The following PDE11A variants were observed in gnomAD, a reference collection of about 807,000 sequenced individuals.
PDE11A encodes the protein phosphodiesterase 11A, also known as dual 3',5'-cyclic-AMP and -GMP phosphodiesterase 11A.
In PDE11A, 100 loss-of-function variants were observed where a neutral mutation model predicts 100.5. The observed-to-expected ratio is 1.00, with a 90% CI of 0.85 to 1.18. The LOEUF (loss-of-function observed/expected upper bound fraction) is 1.18, where lower values mean the gene tolerates loss of function less well. Among genes scored for constraint, PDE11A ranks in the 50% most tolerant of loss-of-function variants. PDE11A has a pLI of 0.00. For missense variants in PDE11A, 1,141 were observed against 1,152.6 expected, an observed-to-expected ratio of 0.99 and a Z score of 0.15; for synonymous variants, 381 against 420.8, an observed-to-expected ratio of 0.91 and a Z score of 1.16.
intron 10 of PDE11A, among the ~76,000 whole-genome samples, chr2:177,730,579 G>A (rs1476734675): frequency 1.3e-5 from 2 of 149,404 alleles, no homozygotes; most frequent in African/African-American, 4.9e-5. Context: ...CTGCTTTCTA[G>A]GAAATTTCTT....
At chr2:177,858,614 G>A (rs893983046) in intron 5 of PDE11A, among the ~76,000 whole-genome samples, 49 of 152,206 alleles carry the variant, frequency 3.2e-4, no homozygotes, top group Non-Finnish European at 6.3e-4. Flanking sequence ...TGGAAAGGAT[G>A]TGGAGAAATA....
intron 4 of PDE11A, among the ~76,000 whole-genome samples, chr2:177,887,565 A>G (rs1449670876): frequency 6.6e-6 from 1 of 152,054 alleles, no homozygotes; most frequent in Admixed American, 6.6e-5. Context: ...GTGGTTTGAG[A>G]CCAGCTTGGG....
intron 1 of PDE11A, among the ~76,000 whole-genome samples, chr2:178,062,785 C>T (rs1381033216): frequency 6.6e-6 from 1 of 152,108 alleles, no homozygotes; most frequent in East Asian, 1.9e-4. Context: ...TAAAGTAGTA[C>T]ATGCAACATA....
intron 10 of PDE11A, among the ~76,000 whole-genome samples, chr2:177,754,190 C>T (rs1203960056): frequency 1.3e-5 from 2 of 152,126 alleles, no homozygotes; most frequent in Admixed American, 6.5e-5. Flanking sequence ...GGAAGAGCTA[C>T]GCAAATATAT....
chr2:178,024,988 T>C (rs2086461153), intron 1 of PDE11A, among the ~76,000 whole-genome samples: 1 of 152,240 alleles, frequency 6.6e-6, no homozygotes, highest in African/African-American at 2.4e-5. Context: ...GAGATTACAC[T>C]GCATAAAAAC....
intron 2 of PDE11A, among the ~76,000 whole-genome samples, chr2:178,103,153 T>C (rs1303917889): frequency 6.7e-6 from 1 of 149,404 alleles, no homozygotes; most frequent in Non-Finnish European, 1.5e-5. Context: ...TGTAATTTTG[T>C]TGTTGTTGTT....
chr2:177,820,521 C>A (rs1270348752), intron 6 of PDE11A, among the ~76,000 whole-genome samples: 1 of 151,850 alleles, frequency 6.6e-6, no homozygotes, highest in African/African-American at 2.4e-5. Flanking sequence ...CCAAATAAAT[C>A]CAAAACCAAC....
At chr2:177,751,613 T>G (rs1216377626) in intron 10 of PDE11A, among the ~76,000 whole-genome samples, 1 of 152,168 alleles carries the variant, frequency 6.6e-6, no homozygotes. Context: ...AGCTTTAAAT[T>G]TGTTCCTTGT....
intron 4 of PDE11A, among the ~76,000 whole-genome samples, chr2:177,886,352 G>C (rs1157750821): frequency 6.6e-6 from 1 of 152,162 alleles, no homozygotes; most frequent in Non-Finnish European, 1.5e-5. Context: ...TATTAATTTT[G>C]TCAGGAGAAA....
intron 19 of PDE11A, among the ~76,000 whole-genome samples, chr2:177,646,733 G>A (rs1261803529): frequency 2.6e-5 from 4 of 152,188 alleles, no homozygotes; most frequent in African/African-American, 9.7e-5. Flanking sequence ...CAGGAAAGTG[G>A]AGGTCTTGCT....
rs781342511 is a variant in PDE11A at position 177,711,883 on chromosome 2, G to C, written c.2044-5C>G. 157 of 1,535,492 alleles carry C rather than the reference G, an allele frequency of 1.0e-4. No individual in the cohort carries two copies. The highest frequency in any genetic ancestry group is 1.4e-4 in the Non-Finnish European group (156 of 1,108,702). On this transcript the variant is annotated splice_polypyrimidine_tract_variant and splice_region_variant and intron_variant, in intron 12 of 19. Transcript: ENST00000286063. ...AATGTCTTGAAACCCAGCAGTCTGG[G>C]AAGAAGGGGAAAATGGCAACAGTCA...
chr2:177,984,515 G>T (rs537768073), intron 2 of PDE11A, among the ~76,000 whole-genome samples: 95 of 152,122 alleles, frequency 6.2e-4, no homozygotes, highest in African/African-American at 2.2e-3. Flanking sequence ...TGATAAATTT[G>T]CACCTAATTG....
chr2:178,018,284 C>T, intron 1 of PDE11A: 1 of 404,122 alleles, frequency 2.5e-6, no homozygotes, highest in Admixed American at 2.8e-5. Context: ...ACAGCCCTCA[C>T]TCTCCTTAGT....
At position 177,877,662 on chromosome 2, in the gene PDE11A, C is replaced by A. The variant is rs748413853; in HGVS notation, c.1303-1739G>T. ...TCCATCTTGTACTTGTGAGGAGGAA[C>A]AAGAAAAGGTTAGAAAGTTCTTGGC... On this transcript the variant is annotated intron_variant, in intron 4 of 19. Coordinates refer to ENST00000286063, the MANE Select transcript of PDE11A (RefSeq NM_016953.4). Among the ~76,000 whole-genome samples the A allele has an allele frequency of 2.0e-5, 3 of 152,198 alleles. No individual in the cohort carries two copies. In the South Asian group the frequency reaches 6.2e-4, roughly 32 times the overall value.
At chr2:177,640,568 G>T (rs751246816) in intron 19 of PDE11A, among the ~76,000 whole-genome samples, 4 of 152,214 alleles carry the variant, frequency 2.6e-5, no homozygotes, top group Non-Finnish European at 5.9e-5. Context: ...TGGGAGCAGA[G>T]CCTAAGTTAT....
intron 1 of PDE11A, among the ~76,000 whole-genome samples, chr2:178,020,922 TTGGTGTGTG>T (rs2086400558): frequency 2.2e-5 from 3 of 137,606 alleles, no homozygotes; most frequent in Non-Finnish European, 4.7e-5. Context: ...TTTTTTTGTC[TTGGTGTGTG>T]TGTGTGTGTG....
At chr2:177,927,741 T>C (rs1574285240) in intron 2 of PDE11A, among the ~76,000 whole-genome samples, 1 of 152,330 alleles carries the variant, frequency 6.6e-6, no homozygotes, top group Middle Eastern at 3.4e-3. Context: ...CAAAAGAGTA[T>C]CTCAAATCTC....
chr2:177,851,006 T>A (rs2083691132), intron 5 of PDE11A, among the ~76,000 whole-genome samples: 1 of 152,214 alleles, frequency 6.6e-6, no homozygotes, highest in Admixed American at 6.5e-5. Flanking sequence ...GAACTAGAAA[T>A]ACCATTTGAC....
chr2:177,868,555 A>G (rs372825358), intron 5 of PDE11A, among the ~76,000 whole-genome samples: 6 of 152,214 alleles, frequency 3.9e-5, no homozygotes, highest in African/African-American at 1.4e-4. Context: ...GGAAAATGTA[A>G]AACTATACAA....
Sources: gnomAD v4.1 joint callset for allele counts (sites outside exome capture counted in the v4.1 genomes callset) on GRCh38, gnomAD v4.1.1 for gene constraint, MANE v1.5 for transcripts, NCBI Gene and HGNC (gene_info 2026-07-23, HGNC 2026-07-21) for gene names.